The following PRKAR2B variants were observed in gnomAD, a reference collection of about 807,000 sequenced individuals.
The protein encoded by PRKAR2B is protein kinase cAMP-dependent type II regulatory subunit beta.
A neutral mutation model predicts 49.9 loss-of-function variants in PRKAR2B; 14 were observed. The ratio of observed to expected loss-of-function variants is 0.28; its 90% CI spans 0.19 to 0.44. The LOEUF (loss-of-function observed/expected upper bound fraction) is 0.44. Among genes scored for constraint, PRKAR2B ranks in the 20% least tolerant of loss-of-function variants. PRKAR2B has a pLI of 1.00. For missense variants in PRKAR2B, 393 were observed against 537.9 expected (o/e 0.73, Z 2.67); for synonymous variants, 196 against 197.7 (o/e 0.99, Z 0.07).
chr7:107,145,376 A>G (rs1449098935), intron 5 of PRKAR2B, among the ~76,000 whole-genome samples: 2 of 152,228 alleles, frequency 1.3e-5, no homozygotes, highest in African/African-American at 4.8e-5. Flanking sequence ...AGTTTTGTAG[A>G]GTAGTGGCTA....
intron 5 of PRKAR2B, among the ~76,000 whole-genome samples, chr7:107,144,198 T>G (rs111761341): frequency 0.011 from 1,706 of 151,746 alleles, 33 homozygotes; most frequent in African/African-American, 0.039. Flanking sequence ...TGATTCTTCT[T>G]CCTCAACCTC....
At chr7:107,089,643 T>TA (rs1794682684) in intron 2 of PRKAR2B, among the ~76,000 whole-genome samples, 1 of 152,188 alleles carries the variant, frequency 6.6e-6, no homozygotes. Flanking sequence ...AAGCTATTTA[T>TA]AAAGAAATAC....
At chr7:107,158,734 C>T (rs1796143962) in intron 10 of PRKAR2B, among the ~76,000 whole-genome samples, 1 of 152,184 alleles carries the variant, frequency 6.6e-6, no homozygotes, top group African/African-American at 2.4e-5. Context: ...TTGTACACTA[C>T]TAGCAGTGCC....
At position 107,146,293 on chromosome 7, in the gene PRKAR2B, A is replaced by C. The variant is rs139081798; in HGVS notation, c.588-15A>C. Reference sequence around the variant, plus strand: ...TTTTATTTGAATTAACCTCCAATCTACATATGTCCAACAGAGGCACATTTG... The same window carrying C: ...TTTTATTTGAATTAACCTCCAATCTCCATATGTCCAACAGAGGCACATTTG... On this transcript the variant is annotated splice_polypyrimidine_tract_variant and intron_variant, in intron 5 of 10. Coordinates refer to ENST00000265717, the MANE Select transcript of PRKAR2B (RefSeq NM_002736.3). 6.2e-7 allele frequency: 1 copy of C among 1,610,146 alleles called. No homozygotes were observed. Among genetic ancestry groups the C allele is most frequent in the South Asian group, 1.1e-5 (1 of 90,572 alleles).
At chr7:107,128,328 GT>G in intron 4 of PRKAR2B, 33 bp downstream of exon 4, 2 of 1,508,452 alleles carry the variant, frequency 1.3e-6, no homozygotes, top group Non-Finnish European at 1.8e-6. Flanking sequence ...AAATGGCTTT[GT>G]TTTTTCCCCC....
At chr7:107,083,817 T>G (rs1794562105) in intron 2 of PRKAR2B, among the ~76,000 whole-genome samples, 1 of 152,042 alleles carries the variant, frequency 6.6e-6, no homozygotes, top group Non-Finnish European at 1.5e-5. Context: ...TTCACCATAT[T>G]GGCCAGGCTG....
chr7:107,103,857 A>G (rs1795021021), intron 2 of PRKAR2B, among the ~76,000 whole-genome samples: 2 of 152,192 alleles, frequency 1.3e-5, no homozygotes, highest in South Asian at 4.1e-4. Context: ...TCAGCCACAT[A>G]AAGATTGCTG....
intron 1 of PRKAR2B, among the ~76,000 whole-genome samples, chr7:107,061,396 C>A (rs555779350): frequency 6.6e-6 from 1 of 152,170 alleles, no homozygotes; most frequent in African/African-American, 2.4e-5. Flanking sequence ...TTCAGTCTTC[C>A]TTTCATATTC....
At chr7:107,139,719 C>A (rs1795758147) in intron 4 of PRKAR2B, among the ~76,000 whole-genome samples, 1 of 152,194 alleles carries the variant, frequency 6.6e-6, no homozygotes, top group Non-Finnish European at 1.5e-5. Flanking sequence ...GTACTCTATA[C>A]TATTGTAGAT....
At chr7:107,093,836 T>C (rs1429920174) in intron 2 of PRKAR2B, among the ~76,000 whole-genome samples, 2 of 152,212 alleles carry the variant, frequency 1.3e-5, no homozygotes, top group African/African-American at 2.4e-5. Context: ...ACAAAGGGCA[T>C]GAACTCATCC....
intron 6 of PRKAR2B, among the ~76,000 whole-genome samples, chr7:107,149,247 A>T (rs1204235436): frequency 6.6e-6 from 1 of 152,174 alleles, no homozygotes; most frequent in Admixed American, 6.5e-5. Flanking sequence ...ATTTTCTTTT[A>T]AAAAAAGTAT....
chr7:107,159,453 G>A lies in PRKAR2B; in HGVS notation c.1128G>A (p.Met376Ile), dbSNP rs1426148175. ...HAIGTVKCLA[M>I]DVQAFERLLG... is the part of the protein sequence containing the mutation. Reference sequence around the variant, plus strand: ...AAAAATCTTCTCTTTTCTCAGCAATGGATGTGCAAGCATTTGAAAGGCTTC... The same window carrying A: ...AAAAATCTTCTCTTTTCTCAGCAATAGATGTGCAAGCATTTGAAAGGCTTC... Residue 376 changes from methionine to isoleucine, a missense_variant, in exon 11 of 11, where the codon ATG (methionine) becomes ATA (isoleucine). Physicochemically the swap from Met to Ile is conservative, Grantham distance 10 (BLOSUM62 1). This residue lies in a region of PRKAR2B where 233 missense variants were observed against 390.4 expected (regional missense o/e 0.60). Transcript: ENST00000265717. The A allele has an allele frequency of 3.1e-6, 5 of 1,613,468 alleles. No homozygotes were observed. The highest frequency in any genetic ancestry group is 1.3e-5 in the African/African-American group (1 of 74,900).
At chr7:107,157,500 G>A (rs756365889) in intron 10 of PRKAR2B, among the ~76,000 whole-genome samples, 176 bp downstream of exon 10, 57 of 152,030 alleles carry the variant, frequency 3.7e-4, no homozygotes, top group African/African-American at 5.3e-4. Flanking sequence ...TTTTTTCTTC[G>A]AAATTTTTAC....
chr7:107,140,791 A>T, intron 4 of PRKAR2B, 56 bp from the exon 5 acceptor site: 1 of 1,313,646 alleles, frequency 7.6e-7, no homozygotes, highest in Non-Finnish European at 1.1e-6. Flanking sequence ...GTGGTTACTT[A>T]AGAAAACATG....
At chr7:107,079,652 C>T (rs943248277) in intron 2 of PRKAR2B, 4 of 152,176 alleles carry the variant, frequency 2.6e-5, no homozygotes, top group Non-Finnish European at 4.4e-5. Flanking sequence ...TGCTATAGCT[C>T]ACCACATTCC....
intron 7 of PRKAR2B, 74 bp from the exon 8 acceptor site, chr7:107,153,103 T>A: frequency 8.5e-7 from 1 of 1,181,758 alleles, no homozygotes; most frequent in Non-Finnish European, 1.2e-6. Context: ...AGGCTACCAG[T>A]TTTTTACTCC....
At chr7:107,127,769 A>T (rs997991975) in intron 3 of PRKAR2B, among the ~76,000 whole-genome samples, 1 of 152,260 alleles carries the variant, frequency 6.6e-6, no homozygotes, top group African/African-American at 2.4e-5. Context: ...ATTCAAAAGA[A>T]AGAATTACAT....
intron 2 of PRKAR2B, among the ~76,000 whole-genome samples, chr7:107,103,909 A>G (rs975351034): frequency 6.6e-6 from 1 of 152,210 alleles, no homozygotes; most frequent in South Asian, 2.1e-4. Flanking sequence ...TTCTGTCTCA[A>G]TTTAAAGGCT....
At chr7:107,078,847 C>G (rs1794458600) in intron 2 of PRKAR2B, among the ~76,000 whole-genome samples, 1 of 152,100 alleles carries the variant, frequency 6.6e-6, no homozygotes, top group Non-Finnish European at 1.5e-5. Context: ...CTTAGAGCCC[C>G]CCAGGGAAAG....
Sources: gnomAD v4.1 joint callset for allele counts (sites outside exome capture counted in the v4.1 genomes callset) on GRCh38, gnomAD v4.1.1 for gene constraint, gnomAD v4.1.1 regional missense constraint, MANE v1.5 for transcripts, NCBI Gene and HGNC (gene_info 2026-07-23, HGNC 2026-07-21) for gene names.